CCSER2: variants seen among roughly 807,000 people sequenced by gnomAD.
CCSER2 encodes the protein coiled-coil serine rich protein 2.
A neutral mutation model predicts 92.3 loss-of-function variants in CCSER2; 46 were observed. The ratio of observed to expected loss-of-function variants is 0.50; its 90% CI spans 0.39 to 0.64. CCSER2 has a LOEUF of 0.64. Ranked by LOEUF, CCSER2 falls within the 30% of genes least tolerant of loss-of-function variation. The pLI is 0.00. For synonymous variants in CCSER2, 433 were observed against 431.4 expected (o/e 1.00, Z -0.04); for missense variants, 1,244 against 1,238.9 (o/e 1.00, Z -0.06).
intron 4 of CCSER2, among the ~76,000 whole-genome samples, chr10:84,419,946 T>C (rs934165999): frequency 6.6e-6 from 1 of 152,120 alleles, no homozygotes; most frequent in Non-Finnish European, 1.5e-5. Flanking sequence ...ACATAAACCA[T>C]TGGAAAGTTA....
intron 1 of CCSER2, among the ~76,000 whole-genome samples, chr10:84,359,493 A>G (rs550286332): frequency 6.6e-6 from 1 of 152,226 alleles, no homozygotes; most frequent in African/African-American, 2.4e-5. Flanking sequence ...ATTGCTGAGC[A>G]CTATATCTAA....
chr10:84,511,959 A>C (rs917560111), intron 9 of CCSER2, among the ~76,000 whole-genome samples: 1 of 152,200 alleles, frequency 6.6e-6, no homozygotes, highest in African/African-American at 2.4e-5. Context: ...AACATTCTGC[A>C]ATACGATTTG....
intron 6 of CCSER2, among the ~76,000 whole-genome samples, chr10:84,461,980 C>CTTG: frequency 6.6e-6 from 1 of 152,244 alleles, no homozygotes; most frequent in African/African-American, 2.4e-5. Flanking sequence ...GTACAGCTAG[C>CTTG]TGTCTTGATT....
intron 1 of CCSER2, among the ~76,000 whole-genome samples, chr10:84,331,268 A>G (rs1843547905): frequency 6.6e-6 from 1 of 152,178 alleles, no homozygotes; most frequent in African/African-American, 2.4e-5. Flanking sequence ...CCAGTTTTTC[A>G]GAGGGAGTGC....
chr10:84,457,258 A>AATATGTTATATAT (rs1845701561), intron 6 of CCSER2, among the ~76,000 whole-genome samples: 5 of 42,344 alleles, frequency 1.2e-4, no homozygotes, highest in Non-Finnish European at 2.2e-4. Flanking sequence ...ATATTATATA[A>AATATGTTATATAT]AATATATTAT....
At chr10:84,364,454 C>T (rs1461386561) in intron 1 of CCSER2, among the ~76,000 whole-genome samples, 1 of 152,094 alleles carries the variant, frequency 6.6e-6, no homozygotes, top group Non-Finnish European at 1.5e-5. Context: ...ATCAGGTAAA[C>T]TTGAACCCGA....
In CCSER2 at chr10:84,471,829, T is replaced by A. The variant is rs1217381328; in HGVS notation, c.2235+1371T>A. Among the ~76,000 whole-genome samples the A allele has an allele frequency of 2.6e-5, 4 of 152,094 alleles. No individual in the cohort carries two copies. In the South Asian group the frequency reaches 6.2e-4, roughly 24 times the overall value. On this transcript the variant is annotated intron_variant, in intron 8 of 9. Coordinates refer to ENST00000372088, the MANE Select transcript of CCSER2 (RefSeq NM_001284240.2). ...TGAAATTAAAAATTATTTTTAATTT[T>A]AAAATTTTAAGTTGCTATTAATTTT...
At chr10:84,512,489 A>C (rs1849415864) in intron 9 of CCSER2, among the ~76,000 whole-genome samples, 1 of 151,618 alleles carries the variant, frequency 6.6e-6, no homozygotes, top group Non-Finnish European at 1.5e-5. Flanking sequence ...CATATATTTT[A>C]ACTATTTGGG....
At chr10:84,379,621 G>C (rs914932216) in intron 3 of CCSER2, among the ~76,000 whole-genome samples, 1 of 151,918 alleles carries the variant, frequency 6.6e-6, no homozygotes, top group Admixed American at 6.6e-5. Context: ...TTCTTTTTAT[G>C]TGCGTTGTTT....
intron 6 of CCSER2, among the ~76,000 whole-genome samples, chr10:84,445,336 G>T (rs1190354568): frequency 6.6e-6 from 1 of 152,116 alleles, no homozygotes; most frequent in Non-Finnish European, 1.5e-5. Flanking sequence ...TGTACTTTTA[G>T]AAGAGACGGG....
chr10:84,383,435 C>T (rs1406145298), intron 3 of CCSER2, among the ~76,000 whole-genome samples: 2 of 152,036 alleles, frequency 1.3e-5, no homozygotes, highest in African/African-American at 2.4e-5. Flanking sequence ...CTCAGCCTCC[C>T]AAGTAGCTGG....
chr10:84,482,101 G>A (rs1207266672), intron 9 of CCSER2, among the ~76,000 whole-genome samples: 1 of 151,886 alleles, frequency 6.6e-6, no homozygotes, highest in Non-Finnish European at 1.5e-5. Flanking sequence ...AATAAGTAAA[G>A]GGCAAGTCAG....
rs147650348 is a variant in CCSER2, at chr10:84,381,220, G to A, written c.1614+7405G>A. Among the ~76,000 whole-genome samples the A allele has an allele frequency of 3.5e-3, 530 of 152,200 alleles. 3 individuals are homozygous for A. The highest frequency in any genetic ancestry group is 5.4e-3 in the Non-Finnish European group (369 of 68,000). On this transcript the variant is annotated intron_variant, in intron 3 of 9. Coordinates refer to ENST00000372088, the MANE Select transcript of CCSER2 (RefSeq NM_001284240.2). ...CTTATTAATGCCAGGGATATAACAA[G>A]AGCTCAGCAGATGTTTGTTATTTTG...
chr10:84,408,968 C>A (rs1162129234), intron 3 of CCSER2, among the ~76,000 whole-genome samples: 2 of 151,990 alleles, frequency 1.3e-5, no homozygotes, highest in Non-Finnish European at 2.9e-5. Context: ...AATCTCATTT[C>A]TTCTATTTTA....
In CCSER2 at chr10:84,516,944, A is replaced by G. The variant is rs1463960692; in HGVS notation, c.*2677A>G. 2 of 152,206 alleles carry G rather than the reference A, an allele frequency of 1.3e-5. No individual in the cohort carries two copies. Among genetic ancestry groups the G allele is most frequent in the Non-Finnish European group, 2.9e-5 (2 of 68,028 alleles). 9.4% of individuals were successfully genotyped at this position (152,206 alleles called of 1,614,324 possible). ...TTTCATTAAAAACTGCAAGAATATC[A>G]TGCTTGTCTGCTTCTTAGTAAATGT... On this transcript the variant is annotated 3_prime_UTR_variant, in exon 10 of 10. Transcript: ENST00000372088.
At chr10:84,375,677 CTTT>C in intron 3 of CCSER2, among the ~76,000 whole-genome samples, 1 of 149,946 alleles carries the variant, frequency 6.7e-6, no homozygotes, top group Non-Finnish European at 1.5e-5. Context: ...ATTTTCTCTT[CTTT>C]TACTATCAGC....
intron 3 of CCSER2, among the ~76,000 whole-genome samples, chr10:84,381,704 G>T (rs1413420892): frequency 6.6e-6 from 1 of 152,014 alleles, no homozygotes; most frequent in African/African-American, 2.4e-5. Context: ...GAGGCAGGTG[G>T]ATCACCTGAG....
At chr10:84,502,112 AG>A (rs1848787042) in intron 9 of CCSER2, among the ~76,000 whole-genome samples, 1 of 150,836 alleles carries the variant, frequency 6.6e-6, no homozygotes, top group Non-Finnish European at 1.5e-5. Flanking sequence ...TTACTAATAA[AG>A]GGTTTTTTTT....
chr10:84,472,835 G>A (rs988598909), intron 8 of CCSER2, among the ~76,000 whole-genome samples: 1 of 151,928 alleles, frequency 6.6e-6, no homozygotes, highest in South Asian at 2.1e-4. Context: ...TTATCTCTAA[G>A]CAATTAATAG....
Sources: allele counts gnomAD v4.1 joint callset (sites outside exome capture counted in the v4.1 genomes callset), GRCh38; gene constraint gnomAD v4.1.1; transcripts MANE v1.5; gene names NCBI Gene and HGNC (gene_info 2026-07-23, HGNC 2026-07-21).